Variants in ELAPOR2 observed in about 807,000 individuals in gnomAD.
ELAPOR2 encodes the protein endosome-lysosome associated apoptosis and autophagy regulator family member 2.
In ELAPOR2, 89 loss-of-function variants were observed where a neutral mutation model predicts 120.7. That is an observed-to-expected ratio of 0.74 (90% CI 0.62 to 0.88). The LOEUF (loss-of-function observed/expected upper bound fraction) is 0.88, where lower values mean the gene tolerates loss of function less well. Among genes scored for constraint, ELAPOR2 ranks in the 40% least tolerant of loss-of-function variants. The pLI is 0.00. For synonymous variants in ELAPOR2, 444 were observed against 444.9 expected (o/e 1.00, Z 0.03); for missense variants, 1,134 against 1,251.6 (o/e 0.91, Z 1.42).
chr7:86,947,863 C>T lies in ELAPOR2; in HGVS notation c.370G>A (p.Gly124Ser). ...CTGCCCAAGGAATAGGTGCCTTCAC[C>T]ACACTTACTGCATACCTGGTTCTTC... ...EMKNQVCSKCGEGTYSLGSGI... is the reference protein window; with the variant it reads ...EMKNQVCSKCSEGTYSLGSGI... The change falls in exon 3 of 22, where the codon GGT becomes AGT. Residue 124 changes from glycine to serine, a missense_variant. Transcript: ENST00000450689. 6.4e-7 allele frequency: 1 copy of T among 1,552,192 alleles called. No homozygotes were observed. The highest frequency in any genetic ancestry group is 1.2e-5 in the South Asian group (1 of 84,058).
chr7:86,902,104 T>C (rs1383146752), intron 18 of ELAPOR2, among the ~76,000 whole-genome samples: 5 of 152,196 alleles, frequency 3.3e-5, no homozygotes, highest in Non-Finnish European at 7.4e-5. Context: ...GCTTCATAGA[T>C]AGCACTTTTT....
intron 1 of ELAPOR2, among the ~76,000 whole-genome samples, chr7:87,054,225 TTATTA>T (rs1562988744): frequency 6.6e-6 from 1 of 152,172 alleles, no homozygotes; most frequent in Non-Finnish European, 1.5e-5. Context: ...CAATAAAGAA[TTATTA>T]TAAGATGCAA....
chr7:87,033,986 C>T (rs1794499926), intron 1 of ELAPOR2, among the ~76,000 whole-genome samples: 1 of 152,042 alleles, frequency 6.6e-6, no homozygotes, highest in Non-Finnish European at 1.5e-5. Context: ...ATTCAGGGAA[C>T]AAAGTCAGAG....
intron 1 of ELAPOR2, among the ~76,000 whole-genome samples, chr7:86,968,190 T>C (rs1791986216): frequency 6.6e-6 from 1 of 152,202 alleles, no homozygotes; most frequent in African/African-American, 2.4e-5. Flanking sequence ...ACATATGTTT[T>C]CAGGTTTATA....
chr7:86,979,878 G>A (rs1192329332), intron 1 of ELAPOR2, among the ~76,000 whole-genome samples: 1 of 152,166 alleles, frequency 6.6e-6, no homozygotes, highest in East Asian at 1.9e-4. Flanking sequence ...TCTGTTTCTG[G>A]TTGGGCCAGT....
At chr7:86,895,258 G>A (rs1013402665) in intron 19 of ELAPOR2, among the ~76,000 whole-genome samples, 6 of 152,002 alleles carry the variant, frequency 3.9e-5, no homozygotes, top group Admixed American at 6.6e-5. Flanking sequence ...TGAAGCTCAC[G>A]GAGGAGTTGA....
intron 1 of ELAPOR2, among the ~76,000 whole-genome samples, chr7:86,969,083 G>A (rs1792017534): frequency 6.6e-6 from 1 of 151,988 alleles, no homozygotes; most frequent in Non-Finnish European, 1.5e-5. Flanking sequence ...ATAAATCATG[G>A]CACACTACAC....
intron 1 of ELAPOR2, among the ~76,000 whole-genome samples, chr7:87,014,651 G>A (rs1310892310): frequency 1.3e-5 from 2 of 152,136 alleles, no homozygotes; most frequent in South Asian, 2.1e-4. Context: ...AAGCAAATAT[G>A]AGTGCATATT....
chr7:86,881,275 T>C (rs1003313234), intron 21 of ELAPOR2, among the ~76,000 whole-genome samples: 17 of 151,942 alleles, frequency 1.1e-4, no homozygotes, highest in African/African-American at 4.1e-4. Context: ...CAGCTCACTG[T>C]CACCTCTGCC....
At chr7:87,037,212 C>T (rs548725537) in intron 1 of ELAPOR2, among the ~76,000 whole-genome samples, 1 of 152,194 alleles carries the variant, frequency 6.6e-6, no homozygotes, top group African/African-American at 2.4e-5. Flanking sequence ...TCAATTACCT[C>T]TTATGTACTC....
At chr7:87,033,767 C>T (rs1436784040) in intron 1 of ELAPOR2, among the ~76,000 whole-genome samples, 2 of 150,908 alleles carry the variant, frequency 1.3e-5, no homozygotes, top group Non-Finnish European at 2.9e-5. Context: ...TAAAACTCTG[C>T]AATCTGTACA....
intron 1 of ELAPOR2, among the ~76,000 whole-genome samples, chr7:87,011,826 A>G (rs1212777187): frequency 1.3e-5 from 2 of 152,232 alleles, no homozygotes; most frequent in South Asian, 2.1e-4. Context: ...TATGTTTTAA[A>G]TATTCAGCAT....
intron 1 of ELAPOR2, among the ~76,000 whole-genome samples, chr7:87,014,999 G>A (rs1290008874): frequency 6.6e-6 from 1 of 150,882 alleles, no homozygotes; most frequent in East Asian, 2.0e-4. Context: ...AGTAAAGCTG[G>A]TAGAAAAAAA....
chr7:86,933,922 A>G (rs936598630), intron 8 of ELAPOR2, among the ~76,000 whole-genome samples: 1 of 152,016 alleles, frequency 6.6e-6, no homozygotes, highest in African/African-American at 2.4e-5. Flanking sequence ...TTTTGAGTTC[A>G]AACATCAAAC....
chr7:86,914,362 A>G (rs992539966), intron 13 of ELAPOR2, among the ~76,000 whole-genome samples: 1 of 152,202 alleles, frequency 6.6e-6, no homozygotes, highest in Non-Finnish European at 1.5e-5. Context: ...TAAACATTAG[A>G]TGACTCAGAT....
intron 18 of ELAPOR2, 73 bp downstream of exon 18, chr7:86,907,597 G>T: frequency 1.1e-6 from 1 of 929,752 alleles, no homozygotes; most frequent in Non-Finnish European, 1.6e-6. Flanking sequence ...TAGAGAATAT[G>T]TTTTAAAATA....
intron 8 of ELAPOR2, among the ~76,000 whole-genome samples, chr7:86,937,548 T>C (rs746451887): frequency 2.6e-5 from 4 of 152,134 alleles, no homozygotes; most frequent in Admixed American, 6.6e-5. Flanking sequence ...TTCCTCTGGC[T>C]ATGTGCCATT....
At chr7:87,021,119 G>A (rs1203226200) in intron 1 of ELAPOR2, among the ~76,000 whole-genome samples, 3 of 152,056 alleles carry the variant, frequency 2.0e-5, no homozygotes, top group Non-Finnish European at 2.9e-5. Flanking sequence ...GGATTACACA[G>A]CTAGTAAGTG....
At chr7:87,038,418 T>A (rs1339281729) in intron 1 of ELAPOR2, among the ~76,000 whole-genome samples, 1 of 152,182 alleles carries the variant, frequency 6.6e-6, no homozygotes, top group Non-Finnish European at 1.5e-5. Flanking sequence ...TACTAAAAGC[T>A]TGTATACATA....
Sources: allele counts gnomAD v4.1 joint callset (sites outside exome capture counted in the v4.1 genomes callset), GRCh38; gene constraint gnomAD v4.1.1; transcripts MANE v1.5; gene names NCBI Gene and HGNC (gene_info 2026-07-23, HGNC 2026-07-21).